TIMP2: variants seen among roughly 807,000 people sequenced by gnomAD.
TIMP2 encodes the protein TIMP metallopeptidase inhibitor 2.
A neutral mutation model predicts 24.3 loss-of-function variants in TIMP2; 5 were observed. The observed-to-expected ratio is 0.21, with a 90% CI of 0.11 to 0.43. The LOEUF (loss-of-function observed/expected upper bound fraction) is 0.43, where lower values mean the gene tolerates loss of function less well. TIMP2 is among the 20% of genes least tolerant of loss of function. TIMP2 has a pLI of 1.00. For missense variants in TIMP2, 221 were observed against 297.5 expected (o/e 0.74, Z 1.89); for synonymous variants, 130 against 123.2 (o/e 1.06, Z -0.37).
intron 1 of TIMP2, among the ~76,000 whole-genome samples, chr17:78,914,576 C>T (rs113870802): frequency 0.053 from 7,993 of 151,730 alleles, 288 homozygotes; most frequent in Middle Eastern, 0.095. Context: ...AGCTACTGCA[C>T]CCAGCCAAGC....
chr17:78,885,872 G>T (rs1301892190), intron 1 of TIMP2, among the ~76,000 whole-genome samples: 1 of 152,222 alleles, frequency 6.6e-6, no homozygotes, highest in African/African-American at 2.4e-5. Flanking sequence ...GCCAGGGGAA[G>T]CTGGAGGCTG....
chr17:78,876,152 G>A (rs540427818), intron 1 of TIMP2, among the ~76,000 whole-genome samples: 2 of 152,000 alleles, frequency 1.3e-5, no homozygotes, highest in East Asian at 3.9e-4. Context: ...ATTCACGTTC[G>A]TTTCTGCTCA....
At chr17:78,890,652 G>T (rs1248792014) in intron 1 of TIMP2, 2 of 1,550,158 alleles carry the variant, frequency 1.3e-6, no homozygotes, top group Non-Finnish European at 1.7e-6. Flanking sequence ...CATATGTTCT[G>T]AAACTCCCGC....
intron 3 of TIMP2, among the ~76,000 whole-genome samples, chr17:78,865,029 G>T (rs1340882055): frequency 1.3e-5 from 2 of 152,080 alleles, no homozygotes; most frequent in African/African-American, 4.8e-5. Flanking sequence ...ACTCCAGCCT[G>T]GGCTTTGTTG....
chr17:78,871,065 C>T (rs1478532671), intron 2 of TIMP2, 59 bp from the exon 3 acceptor site: 10 of 1,445,752 alleles, frequency 6.9e-6, no homozygotes, highest in African/African-American at 2.8e-5. Context: ...TGGTGAATTC[C>T]GTTCCCATCC....
At chr17:78,871,763 G>A (rs976806107) in intron 2 of TIMP2, among the ~76,000 whole-genome samples, 4 of 151,092 alleles carry the variant, frequency 2.6e-5, no homozygotes, top group African/African-American at 7.3e-5. Context: ...GGAGAATGGC[G>A]TGAACCCAGG....
intron 1 of TIMP2, among the ~76,000 whole-genome samples, chr17:78,876,489 A>C (rs2145757361): frequency 6.6e-6 from 1 of 152,192 alleles, no homozygotes; most frequent in Admixed American, 6.5e-5. Context: ...CTGGGATTAC[A>C]GGTGGGCACC....
rs145903068 is a variant in TIMP2, at chr17:78,884,616, C to T, written c.131-10697G>A. Among the ~76,000 whole-genome samples the T allele has an allele frequency of 4.7e-3, 719 of 152,240 alleles. 7 individuals carry two copies. Among genetic ancestry groups the T allele is most frequent in the African/African-American group, 0.016 (670 of 41,554 alleles). On this transcript the variant is annotated intron_variant, in intron 1 of 4. Transcript: ENST00000262768. ...CCCAAACAAGCCCCATGCTGAGCGG[C>T]GCCCCCAGACTCCCTAAGCTTGTCC...
intron 1 of TIMP2, chr17:78,902,000 G>A (rs978154013): frequency 1.9e-5 from 11 of 581,028 alleles, no homozygotes; most frequent in Non-Finnish European, 3.1e-5. Context: ...CTGAGTTCTA[G>A]CCTCTAAAAA....
At chr17:78,857,783 T>G (rs1221306267) in intron 3 of TIMP2, 137 bp from the exon 4 acceptor site, 1 of 1,225,822 alleles carries the variant, frequency 8.2e-7, no homozygotes, top group African/African-American at 1.5e-5. Context: ...TAAAACACAG[T>G]GGGTGGCCAG....
intron 1 of TIMP2, among the ~76,000 whole-genome samples, chr17:78,889,719 G>A (rs1254853546): frequency 6.6e-6 from 1 of 152,020 alleles, no homozygotes; most frequent in Admixed American, 6.5e-5. Context: ...TGACATGATC[G>A]GCTCTGGGAG....
intron 3 of TIMP2, among the ~76,000 whole-genome samples, chr17:78,861,999 T>G (rs904987178): frequency 6.6e-6 from 1 of 152,230 alleles, no homozygotes; most frequent in Non-Finnish European, 1.5e-5. Context: ...GCAGCGATGT[T>G]CTACTTATGT....
chr17:78,919,616 C>T (rs1201359367), intron 1 of TIMP2, among the ~76,000 whole-genome samples: 2 of 152,138 alleles, frequency 1.3e-5, no homozygotes, highest in South Asian at 2.1e-4. Flanking sequence ...GGGCGGATCA[C>T]GAGGTCAGGA....
intron 1 of TIMP2, among the ~76,000 whole-genome samples, chr17:78,880,854 T>C (rs925321050): frequency 1.3e-5 from 2 of 152,230 alleles, no homozygotes; most frequent in Admixed American, 1.3e-4. Context: ...CTTGAGCCAC[T>C]CTGCCGGGCT....
intron 1 of TIMP2, among the ~76,000 whole-genome samples, chr17:78,875,098 G>A (rs9896470): frequency 0.75 from 114,598 of 151,974 alleles, 43,500 homozygotes; most frequent in Middle Eastern, 0.81. Context: ...GGCTGTTCTC[G>A]AACTCCTGAC....
Position 78,891,994 on chromosome 17 carries a change from A to T in TIMP2, c.131-18075T>A, listed in dbSNP as rs1021106466. The T allele has an allele frequency of 5.8e-6, 9 of 1,550,328 alleles. No individual in the cohort carries two copies. The highest frequency in any genetic ancestry group is 7.0e-6 in the Non-Finnish European group (8 of 1,147,002). ...TCCTCTCTTCACTAAGGGCTGCTCT[A>T]TGCTTCTCCTTGGCCCTCGGGGGCC... On this transcript the variant is annotated intron_variant, in intron 1 of 4. Coordinates refer to ENST00000262768, the MANE Select transcript of TIMP2 (RefSeq NM_003255.5). This position sits in a 1 kb window ranked among gnomAD's most constrained non-coding sequence, Gnocchi z 4.5.
At chr17:78,919,254 G>A (rs1032436157) in intron 1 of TIMP2, among the ~76,000 whole-genome samples, 6 of 152,214 alleles carry the variant, frequency 3.9e-5, no homozygotes, top group African/African-American at 1.2e-4. Context: ...TGGTGGCTGC[G>A]TGGGTCCCGG....
intron 2 of TIMP2, among the ~76,000 whole-genome samples, chr17:78,873,580 G>A (rs549907653): frequency 2.0e-5 from 3 of 152,148 alleles, no homozygotes; most frequent in Non-Finnish European, 4.4e-5. Context: ...GGTGTGAGCC[G>A]CAACGCCCGG....
At position 78,920,569 on chromosome 17, in the gene TIMP2, C is replaced by G. The variant is rs1306486187; in HGVS notation, c.130+4390G>C. Among the ~76,000 whole-genome samples, 1 of 152,202 alleles carries G rather than the reference C, an allele frequency of 6.6e-6. No homozygotes were observed. Among genetic ancestry groups the G allele is most frequent in the Non-Finnish European group, 1.5e-5 (1 of 68,032 alleles). On this transcript the variant is annotated intron_variant, in intron 1 of 4. Transcript: ENST00000262768. This position sits in a 1 kb window ranked among gnomAD's most constrained non-coding sequence, Gnocchi z 4.5. ...GTGACTCCCCTGACAGATCCTGTCC[C>G]TCCAAGGACGCTGTTCAAAACCAAG...
Sources: allele counts gnomAD v4.1 joint callset (sites outside exome capture counted in the v4.1 genomes callset), GRCh38; gene constraint gnomAD v4.1.1; non-coding constraint Gnocchi (gnomAD v3.1); transcripts MANE v1.5; gene names NCBI Gene and HGNC (gene_info 2026-07-23, HGNC 2026-07-21).